NUMA1: variants seen among roughly 807,000 people sequenced by gnomAD.
NUMA1 encodes the protein SP-H antigen.
A neutral mutation model predicts 237.1 loss-of-function variants in NUMA1; 62 were observed. That is an observed-to-expected ratio of 0.26 (90% CI 0.21 to 0.32). The LOEUF is 0.32. Ranked by LOEUF, NUMA1 falls within the 10% of genes least tolerant of loss-of-function variation. The pLI, the probability that NUMA1 is intolerant of heterozygous loss-of-function variation, is 1.00. For missense variants in NUMA1, 2,533 were observed against 2,666.5 expected (o/e 0.95, Z 1.10); for synonymous variants, 1,028 against 1,066.1 (o/e 0.96, Z 0.70).
At chr11:72,042,922 G>A (rs951002568) in intron 2 of NUMA1, among the ~76,000 whole-genome samples, 7 of 151,052 alleles carry the variant, frequency 4.6e-5, no homozygotes, top group African/African-American at 1.2e-4. Flanking sequence ...GAGACCAGCC[G>A]GGGCAACATA....
At chr11:72,071,047 T>C (rs1469538161) in intron 1 of NUMA1, among the ~76,000 whole-genome samples, 1 of 152,206 alleles carries the variant, frequency 6.6e-6, no homozygotes, top group African/African-American at 2.4e-5. Flanking sequence ...GCAAACACCA[T>C]GGAAGATACA....
At chr11:72,023,202 G>A in intron 5 of NUMA1, 55 bp from the exon 6 acceptor site, 1 of 1,307,168 alleles carries the variant, frequency 7.7e-7, no homozygotes, top group South Asian at 1.2e-5. Context: ...CCATACCTGA[G>A]ATCCCAGAAC....
chr11:72,009,952 C>T (rs1299138278), intron 17 of NUMA1, among the ~76,000 whole-genome samples: 1 of 152,220 alleles, frequency 6.6e-6, no homozygotes, highest in African/African-American at 2.4e-5. Flanking sequence ...CACACTGCCT[C>T]CTGTCCAGAC....
rs763620850 is a variant in NUMA1, at chr11:72,009,089, T to C, written c.4936A>G (p.Lys1646Glu). The C allele has an allele frequency of 6.2e-7, 1 of 1,613,614 alleles. No individual in the cohort carries two copies. The highest frequency in any genetic ancestry group is 8.5e-7 in the Non-Finnish European group (1 of 1,179,988). The change falls in exon 19 of 27, where the codon AAA becomes GAA. Residue 1646 changes from lysine (K) to glutamate (E), a missense_variant. Lys to Glu is a moderately conservative substitution (Grantham distance 56). Transcript: ENST00000393695. The stretch of plus-strand genomic sequence containing the variant: ...CGTTCAGCTTCAGCTCGCAGCTCTT[T>C]GTTTTCCTTCTGCAGCTGCTCCAGG... ...RSLEQLQKEN[K>E]ELRAEAERLG...
intron 1 of NUMA1, among the ~76,000 whole-genome samples, chr11:72,078,529 G>A (rs979419286): frequency 3.3e-5 from 5 of 152,220 alleles, no homozygotes; most frequent in Admixed American, 1.3e-4. Context: ...TAGAATTCAA[G>A]TCTTATTTCA....
intron 3 of NUMA1, among the ~76,000 whole-genome samples, chr11:72,030,609 A>C (rs1940178819): frequency 6.6e-6 from 1 of 152,228 alleles, no homozygotes; most frequent in South Asian, 2.1e-4. Context: ...TACAGTTCAG[A>C]AGTAGCCTGG....
chr11:72,054,669 C>G (rs1374376541), intron 2 of NUMA1, among the ~76,000 whole-genome samples: 1 of 152,138 alleles, frequency 6.6e-6, no homozygotes, highest in African/African-American at 2.4e-5. Context: ...AAGACTGTCC[C>G]ACTCCAAGCC....
chr11:72,003,224 A>G lies in NUMA1; in HGVS notation c.*303T>C. 2.1e-6 allele frequency: 1 copy of G among 466,108 alleles called. No individual in the cohort carries two copies. 28.9% of individuals were successfully genotyped at this position (466,108 alleles called of 1,614,324 possible). On this transcript the variant is annotated 3_prime_UTR_variant, in exon 27 of 27. Transcript: ENST00000393695. ...GAAGACTGGCCAGGCCCAAGGACCC[A>G]GCCATCAAAACCAGCCTCAAATCTG...
Position 72,014,419 on chromosome 11 carries a change from T to C in NUMA1, c.3084A>G (p.Ala1028=), listed in dbSNP as rs775659813. Residue 1028 remains alanine, a synonymous_variant, in exon 15 of 27, where the codon GCA becomes GCG. Coordinates refer to ENST00000393695, the MANE Select transcript of NUMA1 (RefSeq NM_006185.4). The surrounding 1 kb of genome is among the most constrained non-coding windows in gnomAD (Gnocchi z 4.6). ...CGTTCTGCAGCCGCATCTCAAGCTCTGCTCTGGCCGCCTTCTCCAGGGCAA... is the reference window on the plus strand; with the variant it reads ...CGTTCTGCAGCCGCATCTCAAGCTCCGCTCTGGCCGCCTTCTCCAGGGCAA... ...ADLALEKAAR[A]ELEMRLQNAL... 2 of 1,609,012 alleles carry C rather than the reference T, an allele frequency of 1.2e-6. No individual in the cohort carries two copies. Among genetic ancestry groups the C allele is most frequent in the South Asian group, 1.1e-5 (1 of 91,084 alleles).
At chr11:72,033,417 GC>G (rs1940606254) in intron 3 of NUMA1, among the ~76,000 whole-genome samples, 1 of 150,442 alleles carries the variant, frequency 6.6e-6, no homozygotes, top group Admixed American at 6.6e-5. Flanking sequence ...TATTGTCCAG[GC>G]CGGAGTGTAG....
rs780678823 is a variant in NUMA1 at position 72,014,864 on chromosome 11, T to G, written c.2639A>C (p.Asn880Thr). 1.1e-5 allele frequency: 17 copies of G among 1,614,118 alleles called. No homozygotes were observed. The Admixed American group carries it at 2.5e-4, about 24-fold the overall frequency. The change falls in exon 15 of 27, where the codon AAC becomes ACC. Residue 880 changes from asparagine (N) to threonine (T), a missense_variant. Around this residue, in one of 3 missense-constraint regions of NUMA1, gnomAD observed 1,414 missense variants for 1,508.1 expected, o/e 0.94. Transcript: ENST00000393695. This position sits in a 1 kb window ranked among gnomAD's most constrained non-coding sequence, Gnocchi z 4.6. ...QQNELAELHA[N>T]LARALQQVQE... ...GACCTGCTGGAGTGCTCTGGCCAGG[T>G]TGGCATGGAGCTCAGCTAGTTCGTT...
intron 2 of NUMA1, chr11:72,066,466 G>C (rs1387818483): frequency 6.6e-6 from 1 of 152,100 alleles, no homozygotes; most frequent in African/African-American, 2.4e-5. Flanking sequence ...TTCCTTCCCA[G>C]CCTCATCTTC....
In NUMA1 at chr11:72,013,656, C is replaced by T; in HGVS notation, c.3847G>A (p.Ala1283Thr). 1.9e-6 allele frequency: 3 copies of T among 1,609,608 alleles called. No homozygotes were observed. Among genetic ancestry groups the T allele is most frequent in the South Asian group, 2.2e-5 (2 of 91,088 alleles). The change falls in exon 15 of 27, where the codon GCT becomes ACT. Residue 1283 changes from alanine (A) to threonine (T), a missense_variant. Around this residue, in one of 3 missense-constraint regions of NUMA1, gnomAD observed 324 missense variants for 407.6 expected, o/e 0.79. Transcript: ENST00000393695. The surrounding 1 kb of genome is among the most constrained non-coding windows in gnomAD (Gnocchi z 6.8). ...CGCAGAGCAGAGCTGCGTTCTGCAG[C>T]TCTGGCACTGTTGCTGGCTGTCTCT... ...QAETASNSAR[A>T]AERSSALREE...
Position 72,013,495 on chromosome 11 carries a change from G to C in NUMA1, c.4008C>G (p.Phe1336Leu), listed in dbSNP as rs560779200. The change falls in exon 15 of 27, where the codon TTC becomes TTG. Residue 1336 changes from phenylalanine to leucine, a missense_variant. Physicochemically the swap from Phe to Leu is conservative, Grantham distance 22 (BLOSUM62 0). Coordinates refer to ENST00000393695, the MANE Select transcript of NUMA1 (RefSeq NM_006185.4). The surrounding 1 kb of genome is among the most constrained non-coding windows in gnomAD (Gnocchi z 6.8). ...GQELKAWQEKFFQKEQALSTL... is the reference protein window; with the variant it reads ...GQELKAWQEKLFQKEQALSTL... ...TGGAGAGGGCCTGCTCTTTCTGGAA[G>C]AACTTCTCCTGCCACGCCTTCAATT... The C allele has an allele frequency of 1.2e-6, 2 of 1,613,444 alleles. No individual in the cohort carries two copies. The highest frequency in any genetic ancestry group is 2.2e-5 in the South Asian group (2 of 91,076).
chr11:72,031,524 G>A (rs1415700694), intron 3 of NUMA1, among the ~76,000 whole-genome samples: 2 of 152,196 alleles, frequency 1.3e-5, no homozygotes, highest in African/African-American at 4.8e-5. Context: ...GCCAGGCGCA[G>A]TGGCCCATGC....
intron 2 of NUMA1, among the ~76,000 whole-genome samples, chr11:72,051,431 A>G (rs1942354624): frequency 6.6e-6 from 1 of 151,814 alleles, no homozygotes; most frequent in African/African-American, 2.4e-5. Flanking sequence ...GACTATAAAC[A>G]TGATATAAAC....
At chr11:72,060,708 G>C (rs923561536) in intron 2 of NUMA1, among the ~76,000 whole-genome samples, 2 of 152,082 alleles carry the variant, frequency 1.3e-5, no homozygotes, top group Non-Finnish European at 1.5e-5. Context: ...CTCAGGTCTG[G>C]GCACAGTGGC....
intron 2 of NUMA1, chr11:72,066,340 T>G (rs192389256): frequency 6.6e-6 from 1 of 150,424 alleles, no homozygotes; most frequent in African/African-American, 2.4e-5. Flanking sequence ...CTAAATAACA[T>G]AGATTGGGTC....
intron 2 of NUMA1, among the ~76,000 whole-genome samples, chr11:72,039,194 C>G (rs1452191813): frequency 6.6e-6 from 1 of 152,234 alleles, no homozygotes. Flanking sequence ...TGATTTCCTA[C>G]CAGGGCTGAG....
Sources: allele counts gnomAD v4.1 joint callset (sites outside exome capture counted in the v4.1 genomes callset), GRCh38; gene constraint gnomAD v4.1.1; regional missense constraint gnomAD v4.1.1; non-coding constraint Gnocchi (gnomAD v3.1); transcripts MANE v1.5; gene names NCBI Gene and HGNC (gene_info 2026-07-23, HGNC 2026-07-21).